The following ZFAT variants were observed in gnomAD, a reference collection of about 807,000 sequenced individuals.
ZFAT encodes zinc finger and AT-hook domain containing, also known as zinc finger protein ZFAT.
ZFAT carries 64 observed loss-of-function variants against 117.7 expected under a neutral mutation model. The ratio of observed to expected loss-of-function variants is 0.54; its 90% CI spans 0.44 to 0.67. The LOEUF (loss-of-function observed/expected upper bound fraction) is 0.67. Among genes scored for constraint, ZFAT ranks in the 30% least tolerant of loss-of-function variants. The pLI is 0.00. For missense variants in ZFAT, 1,433 were observed against 1,584.5 expected, an observed-to-expected ratio of 0.90 and a Z score of 1.62; for synonymous variants, 679 against 615.0, an observed-to-expected ratio of 1.10 and a Z score of -1.54.
chr8:134,695,446 C>T (rs1248772371), intron 1 of ZFAT, among the ~76,000 whole-genome samples: 1 of 151,368 alleles, frequency 6.6e-6, no homozygotes, highest in Admixed American at 6.6e-5. Context: ...ACCCTCCAGG[C>T]CCGGCCATCT....
At chr8:134,503,876 C>T (rs1819178788) in intron 15 of ZFAT, among the ~76,000 whole-genome samples, 1 of 152,104 alleles carries the variant, frequency 6.6e-6, no homozygotes, top group African/African-American at 2.4e-5. Flanking sequence ...ATTTGTCAAC[C>T]TCCACAGTCA....
chr8:134,761,982 A>ATGTGTGTGTGTGTGTGTGTGTGTG, the ZFAT span, among the ~76,000 whole-genome samples: 1 of 147,126 alleles, frequency 6.8e-6, no homozygotes, highest in African/African-American at 2.5e-5. Flanking sequence ...TTCTCTCTGT[A>ATGTGTGTGTGTGTGTGTGTGTGTG]TGTGTGTGTG....
At chr8:134,630,936 C>G (rs1453484710) in intron 3 of ZFAT, among the ~76,000 whole-genome samples, 2 of 152,164 alleles carry the variant, frequency 1.3e-5, no homozygotes, top group African/African-American at 4.8e-5. Context: ...AACAATTACT[C>G]GAGAATTTTC....
chr8:134,674,682 C>G (rs1832710500), intron 1 of ZFAT: 2 of 169,092 alleles, frequency 1.2e-5, no homozygotes, highest in African/African-American at 4.8e-5. Context: ...CCTCCCCACC[C>G]CGTGTATCCA....
chr8:134,719,715 C>T, the ZFAT span, among the ~76,000 whole-genome samples: 1,405 of 152,246 alleles, frequency 9.2e-3, 22 homozygotes, highest in African/African-American at 0.032. Flanking sequence ...GAGTTTGCAG[C>T]ACAGAACCAT....
chr8:134,753,387 T>C, the ZFAT span, among the ~76,000 whole-genome samples: 71,075 of 151,778 alleles, frequency 0.47, 16,835 homozygotes, highest in African/African-American at 0.55. Context: ...AAAAGGTGAA[T>C]TATAACTTAT....
intron 1 of ZFAT, among the ~76,000 whole-genome samples, chr8:134,674,346 T>A (rs1195655475): frequency 1.3e-5 from 2 of 152,196 alleles, no homozygotes; most frequent in Admixed American, 1.3e-4. Flanking sequence ...TAAGATCCAC[T>A]GGCTCGAAAT....
chr8:134,619,916 C>A (rs1828997222), intron 3 of ZFAT, among the ~76,000 whole-genome samples: 1 of 152,172 alleles, frequency 6.6e-6, no homozygotes, highest in Non-Finnish European at 1.5e-5. Context: ...CAGCAGCCTG[C>A]AAGGTGAGCG....
chr8:134,791,299 C>G, the ZFAT span, among the ~76,000 whole-genome samples: 1 of 152,196 alleles, frequency 6.6e-6, no homozygotes, highest in African/African-American at 2.4e-5. Flanking sequence ...CATCCTCCTT[C>G]CTGAGGCTGG....
intron 12 of ZFAT, among the ~76,000 whole-genome samples, chr8:134,528,967 G>C (rs1321574545): frequency 1.3e-5 from 2 of 152,178 alleles, no homozygotes; most frequent in Admixed American, 6.5e-5. Context: ...TAGTGGATTT[G>C]AGCCATTCAT....
intron 1 of ZFAT, among the ~76,000 whole-genome samples, chr8:134,663,676 T>C (rs1193166858): frequency 6.6e-6 from 1 of 152,170 alleles, no homozygotes; most frequent in East Asian, 1.9e-4. Flanking sequence ...AGGTGGAGGA[T>C]ACAGTGAGCT....
intron 2 of ZFAT, among the ~76,000 whole-genome samples, chr8:134,646,688 T>A (rs1830917159): frequency 6.7e-6 from 1 of 148,286 alleles, no homozygotes; most frequent in Admixed American, 6.7e-5. Context: ...AGGCCACAAA[T>A]GAATTAAATT....
At chr8:134,565,133 T>C (rs1824341350) in intron 11 of ZFAT, 200 bp downstream of exon 11, 1 of 1,522,710 alleles carries the variant, frequency 6.6e-7, no homozygotes, top group Non-Finnish European at 8.8e-7. Context: ...GTTTCCAAAT[T>C]ACAGAGCAAT....
chr8:134,626,983 G>T (rs1035057262), intron 3 of ZFAT, among the ~76,000 whole-genome samples: 5 of 152,218 alleles, frequency 3.3e-5, no homozygotes, highest in African/African-American at 1.2e-4. Context: ...AGCTTTGAGG[G>T]TACAGGGGGC....
chr8:134,789,126 A>G, the ZFAT span, among the ~76,000 whole-genome samples: 1 of 152,100 alleles, frequency 6.6e-6, no homozygotes. Context: ...CTTCTTTTAA[A>G]TGCTTTTGTC....
chr8:134,652,045 T>A (rs1831275535), intron 2 of ZFAT, among the ~76,000 whole-genome samples: 1 of 151,914 alleles, frequency 6.6e-6, no homozygotes, highest in Non-Finnish European at 1.5e-5. Flanking sequence ...AGGCTGGGCA[T>A]GGTGGCTCAC....
chr8:134,712,800 G>GCC, intron 1 of ZFAT, 45 bp downstream of exon 1: 15 of 1,140,180 alleles, frequency 1.3e-5, no homozygotes, highest in Non-Finnish European at 1.6e-5. Flanking sequence ...GCCGCGCCGC[G>GCC]CCCCACCCCC....
At chr8:134,787,952 T>A in the ZFAT span, among the ~76,000 whole-genome samples, 1 of 152,086 alleles carries the variant, frequency 6.6e-6, no homozygotes, top group Non-Finnish European at 1.5e-5. Context: ...ATAAGTTATT[T>A]TGTTTGTTGA....
intron 2 of ZFAT, among the ~76,000 whole-genome samples, chr8:134,655,706 AAAG>A (rs1831556718): frequency 6.6e-6 from 1 of 152,248 alleles, no homozygotes; most frequent in Admixed American, 6.5e-5. Flanking sequence ...ACTCATTTAG[AAAG>A]AAGAGAATCT....
Sources: gnomAD v4.1 joint callset for allele counts (sites outside exome capture counted in the v4.1 genomes callset) on GRCh38, gnomAD v4.1.1 for gene constraint, MANE v1.5 for transcripts, NCBI Gene and HGNC (gene_info 2026-07-23, HGNC 2026-07-21) for gene names.